The following TMPRSS12 variants were observed in gnomAD, a reference collection of about 807,000 sequenced individuals.
The protein encoded by TMPRSS12 is transmembrane protease serine 12.
TMPRSS12 carries 25 observed loss-of-function variants against 26.0 expected under a neutral mutation model. The ratio of observed to expected loss-of-function variants is 0.96; its 90% CI spans 0.70 to 1.34. The LOEUF (loss-of-function observed/expected upper bound fraction) is 1.34, where lower values mean the gene tolerates loss of function less well. Ranked by LOEUF, TMPRSS12 falls within the 40% of genes most tolerant of loss-of-function variation. TMPRSS12 has a pLI of 0.00. For synonymous variants in TMPRSS12, 150 were observed against 161.7 expected, an observed-to-expected ratio of 0.93 and a Z score of 0.55; for missense variants, 441 against 440.1, an observed-to-expected ratio of 1.00 and a Z score of -0.02.
intron 3 of TMPRSS12, among the ~76,000 whole-genome samples, chr12:50,872,043 A>C (rs1271965658): frequency 6.6e-6 from 1 of 152,208 alleles, no homozygotes; most frequent in Non-Finnish European, 1.5e-5. Flanking sequence ...AGATTCCTTA[A>C]AGAACTGAAA....
intron 3 of TMPRSS12, among the ~76,000 whole-genome samples, chr12:50,872,686 GCACA>G (rs1938064692): frequency 9.3e-6 from 1 of 106,952 alleles, no homozygotes; most frequent in Non-Finnish European, 1.9e-5. Flanking sequence ...TGACGTATAT[GCACA>G]TATATATGAC....
At chr12:50,865,711 AC>A (rs1937984930) in intron 3 of TMPRSS12, among the ~76,000 whole-genome samples, 1 of 151,964 alleles carries the variant, frequency 6.6e-6, no homozygotes, top group Non-Finnish European at 1.5e-5. Context: ...AAAAAAAAAA[AC>A]AGAAGATCTG....
At chr12:50,875,488 T>TAAAAAAAA (rs1381252273) in intron 3 of TMPRSS12, among the ~76,000 whole-genome samples, 1 of 15,774 alleles carries the variant, frequency 6.3e-5, no homozygotes, top group African/African-American at 2.0e-4. Context: ...AGACTCCATC[T>TAAAAAAAA]CAAAAAAAAA....
At chr12:50,861,039 G>T (rs1937929777) in intron 3 of TMPRSS12, among the ~76,000 whole-genome samples, 1 of 152,146 alleles carries the variant, frequency 6.6e-6, no homozygotes, top group South Asian at 2.1e-4. Context: ...CACCATGCCT[G>T]TCCTGGGTCC....
chr12:50,865,510 C>T (rs896075442), intron 3 of TMPRSS12, among the ~76,000 whole-genome samples: 1 of 151,972 alleles, frequency 6.6e-6, no homozygotes, highest in Non-Finnish European at 1.5e-5. Context: ...ATCTAATATA[C>T]ATCTAATGTG....
At chr12:50,885,161 TG>T in intron 3 of TMPRSS12, 84 bp from the exon 4 acceptor site, 1 of 1,273,512 alleles carries the variant, frequency 7.9e-7, no homozygotes. Context: ...TCAGTCACTT[TG>T]GAAAGAAAAC....
At chr12:50,864,761 C>T (rs1438286204) in intron 3 of TMPRSS12, among the ~76,000 whole-genome samples, 1 of 152,046 alleles carries the variant, frequency 6.6e-6, no homozygotes, top group African/African-American at 2.4e-5. Context: ...GGGTTCACGC[C>T]ATTCTCCTGC....
At chr12:50,845,791 A>G (rs777095179) in intron 2 of TMPRSS12, among the ~76,000 whole-genome samples, 9 of 152,222 alleles carry the variant, frequency 5.9e-5, no homozygotes, top group Non-Finnish European at 1.0e-4. Context: ...ATGACTTATC[A>G]TACTTATATT....
chr12:50,862,276 T>C (rs1227939544), intron 3 of TMPRSS12, among the ~76,000 whole-genome samples: 1 of 152,194 alleles, frequency 6.6e-6, no homozygotes, highest in African/African-American at 2.4e-5. Context: ...GGAGAATACA[T>C]AGGTTAAGGA....
intron 2 of TMPRSS12, among the ~76,000 whole-genome samples, chr12:50,851,389 G>A (rs927829849): frequency 1.3e-5 from 2 of 152,076 alleles, no homozygotes; most frequent in Admixed American, 1.3e-4. Context: ...GTTAAAAAAA[G>A]AACTCACAAG....
Position 50,887,633 on chromosome 12 carries a change from A to G in TMPRSS12, c.*120A>G. On this transcript the variant is annotated 3_prime_UTR_variant, in exon 5 of 5. Coordinates refer to ENST00000398458, the MANE Select transcript of TMPRSS12 (RefSeq NM_182559.3). Reference sequence around the variant, plus strand: ...CCTACATTAGAGATTTCATGTGAACATTTTATGGGCTATAAGTATTGTGAC... The same window carrying G: ...CCTACATTAGAGATTTCATGTGAACGTTTTATGGGCTATAAGTATTGTGAC... 7.8e-7 allele frequency: 1 copy of G among 1,278,670 alleles called. No homozygotes were observed. Among genetic ancestry groups the G allele is most frequent in the Non-Finnish European group, 1.1e-6 (1 of 935,226 alleles). 79.2% of individuals were successfully genotyped at this position (1,278,670 alleles called of 1,614,324 possible).
chr12:50,855,343 A>G (rs12809566), intron 2 of TMPRSS12, among the ~76,000 whole-genome samples: 39,652 of 152,160 alleles, frequency 0.26, 5,905 homozygotes, highest in Non-Finnish European at 0.34. Context: ...TAGGATCTAT[A>G]AGGAACTTAA....
At chr12:50,877,517 A>G (rs1365817660) in intron 3 of TMPRSS12, among the ~76,000 whole-genome samples, 4 of 152,244 alleles carry the variant, frequency 2.6e-5, no homozygotes, top group Non-Finnish European at 1.5e-5. Flanking sequence ...GGTTATAGGA[A>G]GACAAAAATC....
chr12:50,849,565 C>T (rs1937805492), intron 2 of TMPRSS12, among the ~76,000 whole-genome samples: 2 of 152,080 alleles, frequency 1.3e-5, no homozygotes, highest in African/African-American at 4.8e-5. Context: ...CCCTTGGCAG[C>T]CATTGATCTG....
chr12:50,869,124 A>C (rs893612758), intron 3 of TMPRSS12, among the ~76,000 whole-genome samples: 1 of 152,040 alleles, frequency 6.6e-6, no homozygotes, highest in Non-Finnish European at 1.5e-5. Context: ...ACCCAAACCC[A>C]GCAGAAGAAA....
At chr12:50,844,776 G>A (rs1213220997) in intron 2 of TMPRSS12, among the ~76,000 whole-genome samples, 1 of 152,128 alleles carries the variant, frequency 6.6e-6, no homozygotes, top group African/African-American at 2.4e-5. Flanking sequence ...ATGAAAACCA[G>A]CACTGAAAAT....
intron 3 of TMPRSS12, among the ~76,000 whole-genome samples, chr12:50,872,340 C>T (rs181025573): frequency 0.011 from 1,630 of 149,848 alleles, 21 homozygotes; most frequent in African/African-American, 0.038. Flanking sequence ...GGTGAAACCC[C>T]GTCTCTACTA....
Position 50,843,070 on chromosome 12 carries a change from G to C in TMPRSS12, c.106G>C (p.Glu36Gln). Residue 36 changes from glutamate to glutamine, a missense_variant, in exon 1 of 5, where the codon GAA becomes CAA. Transcript: ENST00000398458. ...SGRHRLGPSPEPAASSQQAEA... is the reference protein window; with the variant it reads ...SGRHRLGPSPQPAASSQQAEA... ...AAGGCACAGGCTCGGCCCCTCGCCG[G>C]AACCGGCGGCTAGTTCCCAGCAGGC... 1 of 1,590,056 alleles carries C rather than the reference G, an allele frequency of 6.3e-7. No individual in the cohort carries two copies. Among genetic ancestry groups the C allele is most frequent in the Non-Finnish European group, 8.6e-7 (1 of 1,168,850 alleles).
Position 50,873,499 on chromosome 12 carries a change from A to T in TMPRSS12, c.653-11747A>T, listed in dbSNP as rs188910581. Among the ~76,000 whole-genome samples the T allele has an allele frequency of 5.9e-5, 9 of 152,330 alleles. No homozygotes were observed. In the East Asian group the frequency reaches 1.7e-3, roughly 29 times the overall value. On this transcript the variant is annotated intron_variant, in intron 3 of 4. Coordinates refer to ENST00000398458, the MANE Select transcript of TMPRSS12 (RefSeq NM_182559.3). ...ACTACCAACAGTCTTTCACCAAGGA[A>T]GTAAAAGAAATATCAGAAAGAATGT...
Sources: gnomAD v4.1 joint callset for allele counts (sites outside exome capture counted in the v4.1 genomes callset) on GRCh38, gnomAD v4.1.1 for gene constraint, MANE v1.5 for transcripts, NCBI Gene and HGNC (gene_info 2026-07-23, HGNC 2026-07-21) for gene names.